Variants in EIF6 observed in about 807,000 individuals in gnomAD.
EIF6 encodes the protein B4 integrin interactor.
EIF6 carries 10 observed loss-of-function variants against 25.5 expected under a neutral mutation model. The ratio of observed to expected loss-of-function variants is 0.39; its 90% CI spans 0.24 to 0.66. The LOEUF (loss-of-function observed/expected upper bound fraction) is 0.66. Ranked by LOEUF, EIF6 falls within the 30% of genes least tolerant of loss-of-function variation. The pLI, the probability that EIF6 is intolerant of heterozygous loss-of-function variation, is 0.45. For synonymous variants in EIF6, 122 were observed against 122.6 expected, an observed-to-expected ratio of 1.00 and a Z score of 0.03; for missense variants, 246 against 315.4, an observed-to-expected ratio of 0.78 and a Z score of 1.67.
chr20:35,281,782 G>A (rs1475450944), intron 3 of EIF6, among the ~76,000 whole-genome samples: 2 of 152,022 alleles, frequency 1.3e-5, no homozygotes, highest in African/African-American at 2.4e-5. Context: ...TCAATTCCAA[G>A]TGTTGGCAAA....
In EIF6 at chr20:35,279,997, T is replaced by C. The variant is rs771923186; in HGVS notation, c.491A>G (p.Lys164Arg). ...FSNQGGLVHP[K>R]TSIEDQDELS... ...CTCATCCTGGTCTTCAATTGAAGTC[T>C]TGGGATGCACCAGCCCTCCCTGATT... The change falls in exon 5 of 7, where the codon AAG becomes AGG. Residue 164 changes from lysine (K) to arginine (R), a missense_variant. Transcript: ENST00000374450. 65 of 1,614,126 alleles carry C rather than the reference T, an allele frequency of 4.0e-5. No homozygotes were observed. The highest frequency in any genetic ancestry group is 5.3e-5 in the African/African-American group (4 of 74,948).
At position 35,279,460 on chromosome 20, in the gene EIF6, AG is replaced by A. The variant is rs2060750807; in HGVS notation, c.728+105del. On this transcript the variant is annotated intron_variant, in intron 6 of 6. Transcript: ENST00000374450. ...ATGCTCTCACACTCGAGAAGCTACC[AG>A]AACAAACTGGTAGGCTCCCATTCTA... 6.1e-6 allele frequency: 9 copies of A among 1,481,264 alleles called. No homozygotes were observed. The Admixed American group carries it at 7.3e-5, about 12-fold the overall frequency. 91.8% of individuals were successfully genotyped at this position (1,481,264 alleles called of 1,614,324 possible).
At position 35,284,281 on chromosome 20, in the gene EIF6, G is replaced by C. The variant is rs753691376; in HGVS notation, c.108-20C>G. On this transcript the variant is annotated intron_variant, in intron 2 of 6. Coordinates refer to ENST00000374450, the MANE Select transcript of EIF6 (RefSeq NM_002212.4). ...AACACACTGTAGGGACATGGACTCG[G>C]TGGTGGCGGGGCAGAGGGGCCGGCA... 2 of 1,613,944 alleles carry C rather than the reference G, an allele frequency of 1.2e-6. No individual in the cohort carries two copies. Among genetic ancestry groups the C allele is most frequent in the Non-Finnish European group, 8.5e-7 (1 of 1,180,022 alleles).
intron 3 of EIF6, among the ~76,000 whole-genome samples, chr20:35,282,926 A>C (rs912685587): frequency 6.6e-6 from 1 of 152,134 alleles, no homozygotes; most frequent in Non-Finnish European, 1.5e-5. Context: ...AAATAAACAG[A>C]CTTCTAAAAG....
chr20:35,279,999 G>A lies in EIF6; in HGVS notation c.489C>T (p.Pro163=). The change falls in exon 5 of 7, where the codon CCC becomes CCT. Residue 163 remains proline, a synonymous_variant. Coordinates refer to ENST00000374450, the MANE Select transcript of EIF6 (RefSeq NM_002212.4). ...VFSNQGGLVH[P]KTSIEDQDEL... is the part of the protein sequence containing the mutation. ...CATCCTGGTCTTCAATTGAAGTCTT[G>A]GGATGCACCAGCCCTCCCTGATTGC... The A allele has an allele frequency of 6.2e-7, 1 of 1,614,174 alleles. No homozygotes were observed. Among genetic ancestry groups the A allele is most frequent in the East Asian group, 2.2e-5 (1 of 44,884 alleles).
Position 35,280,265 on chromosome 20 carries a change from AG to A in EIF6, c.370-148del. On this transcript the variant is annotated intron_variant, in intron 4 of 6. Coordinates refer to ENST00000374450, the MANE Select transcript of EIF6 (RefSeq NM_002212.4). Reference sequence around the variant, plus strand: ...TATGAAAGCCTCACCCAGAGAAAGGAGGAAGTACAGCTTAGAGCAGAGTCAA... The same window carrying A: ...TATGAAAGCCTCACCCAGAGAAAGGAGAAGTACAGCTTAGAGCAGAGTCAA... 7 of 904,464 alleles carry A rather than the reference AG, an allele frequency of 7.7e-6. No homozygotes were observed. In the South Asian group the frequency reaches 1.0e-4, roughly 13 times the overall value. The allele number at this position is 904,464 out of a possible 1,614,324, so 56.0% of individuals were successfully genotyped here.
chr20:35,283,965 G>A (rs1468627159), intron 3 of EIF6, among the ~76,000 whole-genome samples: 2 of 152,158 alleles, frequency 1.3e-5, no homozygotes, highest in Non-Finnish European at 1.5e-5. Context: ...AGGAGTGAAA[G>A]CACTTTACAT....
Position 35,284,295 on chromosome 20 carries a change from G to C in EIF6, c.108-34C>G, listed in dbSNP as rs754689787. ...ACATGGACTCGGTGGTGGCGGGGCA[G>C]AGGGGCCGGCACCCTCCCACTGCCG... is the stretch of plus-strand genomic sequence containing the variant. On this transcript the variant is annotated intron_variant, in intron 2 of 6. Transcript: ENST00000374450. 25 of 1,613,832 alleles carry C rather than the reference G, an allele frequency of 1.5e-5. No individual in the cohort carries two copies. In the South Asian group the frequency reaches 2.6e-4, roughly 17 times the overall value.
chr20:35,281,668 A>C (rs1013753972), intron 3 of EIF6, among the ~76,000 whole-genome samples: 1 of 151,388 alleles, frequency 6.6e-6, no homozygotes, highest in African/African-American at 2.4e-5. Flanking sequence ...CTGGTCTCGA[A>C]CTCCTAACCT....
At chr20:35,283,818 AG>A (rs1221506256) in intron 3 of EIF6, among the ~76,000 whole-genome samples, 1 of 150,886 alleles carries the variant, frequency 6.6e-6, no homozygotes, top group Admixed American at 6.6e-5. Context: ...AAAAAAAAAG[AG>A]AAAAATCCTT....
Position 35,284,377 on chromosome 20 carries a change from G to T in EIF6, c.107+4C>A, listed in dbSNP as rs1294096889. 1 of 1,613,826 alleles carries T rather than the reference G, an allele frequency of 6.2e-7. No homozygotes were observed. The highest frequency in any genetic ancestry group is 1.7e-5 in the Admixed American group (1 of 60,010). On this transcript the variant is annotated splice_donor_region_variant and intron_variant, in intron 2 of 6. Transcript: ENST00000374450. ...CACCGTAAGCCCCGGGGCTCCCGCC[G>T]CACCTGTAGAAGTTCTCTGAGCCTC...
chr20:35,279,244 C>G, intron 6 of EIF6, 38 bp from the exon 7 acceptor site: 1 of 1,609,846 alleles, frequency 6.2e-7, no homozygotes, highest in South Asian at 1.1e-5. Flanking sequence ...GTAGCTGTTT[C>G]ACAGAGCCCA....
chr20:35,279,265 A>AG lies in EIF6; in HGVS notation c.729-60_729-59insC. The AG allele has an allele frequency of 1.6e-5, 25 of 1,589,566 alleles. No individual in the cohort carries two copies. The South Asian group carries it at 2.7e-4, about 17-fold the overall frequency. On this transcript the variant is annotated intron_variant, in intron 6 of 6. Coordinates refer to ENST00000374450, the MANE Select transcript of EIF6 (RefSeq NM_002212.4). ...GTTTCACAGAGCCCACCTCACTCTC[A>AG]AGTGAGGTGCCTGCCTCAGCCCTCA...
At chr20:35,279,846 C>T (rs971575938) in intron 5 of EIF6, 96 bp downstream of exon 5, 1 of 1,587,628 alleles carries the variant, frequency 6.3e-7, no homozygotes, top group Non-Finnish European at 8.6e-7. Flanking sequence ...CCTGCAGCCC[C>T]AGTCCCAAAC....
Position 35,280,720 on chromosome 20 carries a change from G to A in EIF6, c.303C>T (p.Leu101=), listed in dbSNP as rs757045858. ...AGGTGGTGACATTGCCCAAGGCTGA[G>A]AGCCGCTCCTCCACCCGCCTAATCT... ...TVQIRRVEER[L]SALGNVTTCN... The change falls in exon 4 of 7, where the codon CTC becomes CTT. Residue 101 remains leucine (L), a synonymous_variant. Transcript: ENST00000374450. 3.1e-6 allele frequency: 5 copies of A among 1,613,804 alleles called. No individual in the cohort carries two copies. Among genetic ancestry groups the A allele is most frequent in the African/African-American group, 1.3e-5 (1 of 74,930 alleles).
chr20:35,282,613 T>G (rs890149961), intron 3 of EIF6, among the ~76,000 whole-genome samples: 1 of 146,256 alleles, frequency 6.8e-6, no homozygotes. Flanking sequence ...TTGTTTTTTG[T>G]TTTTTTTTGA....
At chr20:35,284,535 T>C in intron 1 of EIF6, 43 bp from the exon 2 acceptor site, 1 of 1,553,204 alleles carries the variant, frequency 6.4e-7, no homozygotes, top group Non-Finnish European at 8.7e-7. Flanking sequence ...GCGGATCCTT[T>C]CCCAAGTATC....
chr20:35,281,177 G>A (rs1204397434), intron 3 of EIF6, among the ~76,000 whole-genome samples: 2 of 152,070 alleles, frequency 1.3e-5, no homozygotes, highest in Admixed American at 6.5e-5. Flanking sequence ...TCAGGAGATC[G>A]AGATCGAGAT....
In EIF6 at chr20:35,280,782, G is replaced by C; in HGVS notation, c.241C>G (p.Leu81Val). The C allele has an allele frequency of 6.2e-7, 1 of 1,614,154 alleles. No homozygotes were observed. The highest frequency in any genetic ancestry group is 8.5e-7 in the Non-Finnish European group (1 of 1,180,020). Reference sequence around the variant, plus strand: ...GGGAGGCTGTTGCGAATGTGTTGCAGCTCCTGGTCGGTGGTATTGTTGGGT... The same window carrying C: ...GGGAGGCTGTTGCGAATGTGTTGCACCTCCTGGTCGGTGGTATTGTTGGGT... ...LVPNNTTDQE[L>V]QHIRNSLPDT... The change falls in exon 4 of 7, where the codon CTG (leucine) becomes GTG (valine). Residue 81 changes from leucine (L) to valine (V), a missense_variant. Transcript: ENST00000374450.
Sources: gnomAD v4.1 joint callset for allele counts (sites outside exome capture counted in the v4.1 genomes callset) on GRCh38, gnomAD v4.1.1 for gene constraint, MANE v1.5 for transcripts, NCBI Gene and HGNC (gene_info 2026-07-23, HGNC 2026-07-21) for gene names.